SPATS2: variants seen among roughly 807,000 people sequenced by gnomAD.
The protein encoded by SPATS2 is spermatogenesis-associated serine-rich protein 2.
A neutral mutation model predicts 63.7 loss-of-function variants in SPATS2; 38 were observed. That is an observed-to-expected ratio of 0.60 (90% confidence interval 0.46 to 0.78). The LOEUF (loss-of-function observed/expected upper bound fraction) is 0.78. Ranked by LOEUF, SPATS2 falls within the 30% of genes least tolerant of loss-of-function variation. SPATS2 has a pLI of 0.00. For missense variants in SPATS2, 588 were observed against 666.2 expected (o/e 0.88, Z 1.29); for synonymous variants, 207 against 232.9 (o/e 0.89, Z 1.01).
intron 9 of SPATS2, among the ~76,000 whole-genome samples, chr12:49,510,709 A>G (rs963243040): frequency 1.3e-5 from 2 of 152,166 alleles, no homozygotes; most frequent in Non-Finnish European, 2.9e-5. Context: ...CCATTTTAAT[A>G]TTATTTTTCC....
chr12:49,486,793 GAAAA>G (rs541463305), intron 4 of SPATS2, among the ~76,000 whole-genome samples: 2 of 148,602 alleles, frequency 1.3e-5, no homozygotes, highest in Non-Finnish European at 3.0e-5. Context: ...AAAAAAAAAA[GAAAA>G]AAAAGAGAGA....
At chr12:49,482,307 G>A (rs1436756010) in intron 3 of SPATS2, among the ~76,000 whole-genome samples, 2 of 152,204 alleles carry the variant, frequency 1.3e-5, no homozygotes, top group African/African-American at 2.4e-5. Flanking sequence ...AGGAGATTCC[G>A]AGGAAGGGAG....
At position 49,459,300 on chromosome 12, in the gene SPATS2, C is replaced by T. The variant is rs185886752; in HGVS notation, c.-243-1470C>T. On this transcript the variant is annotated intron_variant, in intron 2 of 13. Coordinates refer to ENST00000552918, the MANE Select transcript of SPATS2 (RefSeq NM_023071.4). ...GTGACTGTCCCGGTGTGCCTGCCCA[C>T]CAGACACCTGATCTTGCAAGACCAT... Among the ~76,000 whole-genome samples, 315 of 152,134 alleles carry T rather than the reference C, an allele frequency of 2.1e-3. 2 individuals carry two copies. The highest frequency in any genetic ancestry group is 1.1e-3 in the Non-Finnish European group (73 of 67,994).
At chr12:49,370,612 C>A (rs1301599895) in intron 1 of SPATS2, among the ~76,000 whole-genome samples, 1 of 152,172 alleles carries the variant, frequency 6.6e-6, no homozygotes, top group Non-Finnish European at 1.5e-5. Context: ...CTGTTACAGA[C>A]TCTTCCACTT....
chr12:49,466,196 C>T (rs948563751), intron 3 of SPATS2, among the ~76,000 whole-genome samples: 2 of 151,876 alleles, frequency 1.3e-5, no homozygotes, highest in Non-Finnish European at 1.5e-5. Context: ...CGGAGTCTCT[C>T]TCTGTCACCC....
At chr12:49,389,356 C>T (rs1013942679) in intron 2 of SPATS2, among the ~76,000 whole-genome samples, 1 of 152,210 alleles carries the variant, frequency 6.6e-6, no homozygotes, top group African/African-American at 2.4e-5. Context: ...GCCACACCTC[C>T]GCTGCCTCCG....
intron 10 of SPATS2, among the ~76,000 whole-genome samples, chr12:49,517,793 G>A (rs147298448): frequency 7.2e-5 from 11 of 152,032 alleles, no homozygotes; most frequent in African/African-American, 9.7e-5. Flanking sequence ...TCACATGGCC[G>A]TTTCATCTGT....
chr12:49,518,990 AC>A, intron 10 of SPATS2, 82 bp from the exon 11 acceptor site: 1 of 1,096,808 alleles, frequency 9.1e-7, no homozygotes, highest in East Asian at 2.6e-5. Context: ...CTGACCAAAT[AC>A]CTACTGCAAG....
At chr12:49,491,757 G>A (rs1156402868) in intron 6 of SPATS2, among the ~76,000 whole-genome samples, 1 of 152,056 alleles carries the variant, frequency 6.6e-6, no homozygotes, top group East Asian at 1.9e-4. Flanking sequence ...ATAATACAAC[G>A]CCTAACATAT....
In SPATS2 at chr12:49,497,005, G is replaced by C; in HGVS notation, c.699G>C (p.Lys233Asn). The change falls in exon 8 of 14, where the codon AAG becomes AAC. Residue 233 changes from lysine (K) to asparagine (N), a missense_variant. By Grantham distance (94) the Lys-to-Asn change is moderately conservative. Coordinates refer to ENST00000552918, the MANE Select transcript of SPATS2 (RefSeq NM_023071.4). ...MEDVPLATSK[K>N]LSSNIEKSVK... ...ATGTTCCCCTCGCCACCAGTAAAAA[G>C]CTAAGTAAGTCAGAGGCCCACCTGT... The C allele has an allele frequency of 6.5e-7, 1 of 1,539,696 alleles. No homozygotes were observed. Among genetic ancestry groups the C allele is most frequent in the Non-Finnish European group, 8.7e-7 (1 of 1,146,262 alleles).
intron 9 of SPATS2, among the ~76,000 whole-genome samples, chr12:49,510,014 T>G (rs371164083): frequency 1.5e-4 from 22 of 151,652 alleles, no homozygotes; most frequent in African/African-American, 5.1e-4. Context: ...CCCAGCACTT[T>G]GGGAGGCCAA....
At chr12:49,423,649 A>G (rs1355780813) in intron 2 of SPATS2, among the ~76,000 whole-genome samples, 2 of 152,198 alleles carry the variant, frequency 1.3e-5, no homozygotes, top group African/African-American at 4.8e-5. Flanking sequence ...TGAATAATGA[A>G]TGAAATGAGA....
intron 9 of SPATS2, among the ~76,000 whole-genome samples, chr12:49,511,017 A>G (rs529998844): frequency 1.3e-5 from 2 of 152,148 alleles, no homozygotes; most frequent in Non-Finnish European, 2.9e-5. Context: ...GCCTGGCAAC[A>G]TACCAAAACC....
intron 3 of SPATS2, among the ~76,000 whole-genome samples, chr12:49,476,673 C>T (rs865913599): frequency 6.6e-6 from 1 of 152,188 alleles, no homozygotes; most frequent in East Asian, 1.9e-4. Context: ...GCGAGCCACA[C>T]CCCCACTGCA....
chr12:49,515,051 T>G (rs1015049572), intron 10 of SPATS2, among the ~76,000 whole-genome samples: 1 of 152,186 alleles, frequency 6.6e-6, no homozygotes, highest in Non-Finnish European at 1.5e-5. Flanking sequence ...TTTCTCAGTT[T>G]ATAGAACAGT....
intron 2 of SPATS2, among the ~76,000 whole-genome samples, chr12:49,380,009 C>A (rs1222204021): frequency 6.6e-6 from 1 of 152,110 alleles, no homozygotes; most frequent in Non-Finnish European, 1.5e-5. Context: ...TCTCTGGCAA[C>A]CACTGATTTG....
chr12:49,383,452 C>A (rs1944258424), intron 2 of SPATS2, among the ~76,000 whole-genome samples: 1 of 151,908 alleles, frequency 6.6e-6, no homozygotes, highest in South Asian at 2.1e-4. Flanking sequence ...GCTCTGCCAC[C>A]CTGGCTGGAG....
chr12:49,472,547 C>T (rs1357617470), intron 3 of SPATS2, among the ~76,000 whole-genome samples: 1 of 149,854 alleles, frequency 6.7e-6, no homozygotes, highest in African/African-American at 2.4e-5. Context: ...CTCCCCTTCC[C>T]AGAAACTGGG....
At chr12:49,377,338 C>T (rs1053747595) in intron 2 of SPATS2, among the ~76,000 whole-genome samples, 4 of 152,060 alleles carry the variant, frequency 2.6e-5, no homozygotes, top group African/African-American at 7.2e-5. Context: ...GGGAACAATG[C>T]GTAACAACGA....
Sources: allele counts gnomAD v4.1 joint callset (sites outside exome capture counted in the v4.1 genomes callset), GRCh38; gene constraint gnomAD v4.1.1; transcripts MANE v1.5; gene names NCBI Gene and HGNC (gene_info 2026-07-23, HGNC 2026-07-21).